The following EDC4 variants were observed in gnomAD, a reference collection of about 807,000 sequenced individuals.
EDC4 encodes enhancer of mRNA decapping 4, also known as enhancer of mRNA-decapping protein 4.
EDC4 carries 64 observed loss-of-function variants against 155.8 expected under a neutral mutation model. The observed-to-expected ratio is 0.41, with a 90% CI of 0.34 to 0.51. The LOEUF (loss-of-function observed/expected upper bound fraction) is 0.51, where lower values mean the gene tolerates loss of function less well. Among genes scored for constraint, EDC4 ranks in the 20% least tolerant of loss-of-function variants. The pLI is 0.19. For synonymous variants in EDC4, 684 were observed against 716.8 expected (o/e 0.95, Z 0.73); for missense variants, 1,303 against 1,812.5 (o/e 0.72, Z 5.10).
chr16:67,878,325 C>G lies in EDC4; in HGVS notation c.1005-35C>G. The G allele has an allele frequency of 6.2e-7, 1 of 1,614,224 alleles. No individual in the cohort carries two copies. Among genetic ancestry groups the G allele is most frequent in the South Asian group, 1.1e-5 (1 of 91,090 alleles). ...GATCCTCCCGAGGTAGCCCACCCGA[C>G]CACTCACTCAGGCCCCTCATCTGCC... On this transcript the variant is annotated intron_variant, in intron 8 of 28. Transcript: ENST00000358933. This position sits in a 1 kb window ranked among gnomAD's most constrained non-coding sequence, Gnocchi z 5.2.
chr16:67,881,533 G>T lies in EDC4; in HGVS notation c.2826G>T (p.Gln942His). Residue 942 changes from glutamine to histidine, a missense_variant and splice_region_variant, in exon 21 of 29, where the codon CAG (glutamine) becomes CAT (histidine). By Grantham distance (24) the Gln-to-His change is conservative. Coordinates refer to ENST00000358933, the MANE Select transcript of EDC4 (RefSeq NM_014329.5). This position sits in a 1 kb window ranked among gnomAD's most constrained non-coding sequence, Gnocchi z 5.4. ...TGGGATCCCGGCTCACAGAGCACCA[G>T]GTAAGTGAATGAGCCCACTTTGTAC... The part of the protein sequence containing the change: ...AAMGSRLTEH[Q>H]VAEPPEDWPA... 6.2e-7 allele frequency: 1 copy of T among 1,613,894 alleles called. No individual in the cohort carries two copies. Among genetic ancestry groups the T allele is most frequent in the South Asian group, 1.1e-5 (1 of 91,086 alleles).
At position 67,883,345 on chromosome 16, in the gene EDC4, C is replaced by T; in HGVS notation, c.3849+168C>T. On this transcript the variant is annotated intron_variant, in intron 27 of 28. Transcript: ENST00000358933. The surrounding 1 kb of genome is among the most constrained non-coding windows in gnomAD (Gnocchi z 5.3). ...CCCTGCTGCTTCCTCTTCCTGGACC[C>T]CTTTCTTCCCACCTAGCCCACCTTG... is the stretch of plus-strand genomic sequence containing the variant. 1.5e-6 allele frequency: 2 copies of T among 1,317,420 alleles called. No homozygotes were observed. The highest frequency in any genetic ancestry group is 2.5e-5 in the Admixed American group (1 of 39,952). The allele number at this position is 1,317,420 out of a possible 1,614,324, so 81.6% of individuals were successfully genotyped here. A position where few individuals can be genotyped will look rare whatever the true frequency, so the allele number is the denominator to read the frequency against.
Position 67,880,710 on chromosome 16 carries a change from G to T in EDC4, c.2251G>T (p.Ala751Ser). The T allele has an allele frequency of 6.2e-7, 1 of 1,614,184 alleles. No individual in the cohort carries two copies. Among genetic ancestry groups the T allele is most frequent in the South Asian group, 1.1e-5 (1 of 91,088 alleles). Residue 751 changes from alanine (A) to serine (S), a missense_variant, in exon 18 of 29, where the codon GCC becomes TCC. By Grantham distance (99) the Ala-to-Ser change is moderately conservative (BLOSUM62 1). Coordinates refer to ENST00000358933, the MANE Select transcript of EDC4 (RefSeq NM_014329.5). The surrounding 1 kb of genome is among the most constrained non-coding windows in gnomAD (Gnocchi z 5.2). ...SQDIPEIASEALSRGFGSSAP... is the reference protein window; with the variant it reads ...SQDIPEIASESLSRGFGSSAP... ...GGACATCCCTGAGATTGCATCTGAG[G>T]CCCTGTCCCGTGGTTTTGGCTCCTC... is the stretch of plus-strand genomic sequence containing the variant.
rs761895289 is a variant in EDC4, at chr16:67,882,982, G to C, written c.3654G>C (p.Gln1218His). ...GCCTGCAGGAGTCCATTTTAGCACAGGTACAGCGCATCGTTAAGGGTGAGG... is the reference window on the plus strand; with the variant it reads ...GCCTGCAGGAGTCCATTTTAGCACACGTACAGCGCATCGTTAAGGGTGAGG... ...VGSLQESILA[Q>H]VQRIVKGEVS... The change falls in exon 27 of 29, where the codon CAG becomes CAC. Residue 1218 changes from glutamine (Q) to histidine (H), a missense_variant. Around this residue, in one of 5 missense-constraint regions of EDC4, gnomAD observed 527 missense variants for 757.0 expected, o/e 0.70. Transcript: ENST00000358933. This position sits in a 1 kb window ranked among gnomAD's most constrained non-coding sequence, Gnocchi z 7.2. The C allele has an allele frequency of 9.9e-6, 16 of 1,614,064 alleles. No homozygotes were observed. In the South Asian group the frequency reaches 1.6e-4, roughly 17 times the overall value.
In EDC4 at chr16:67,879,840, A is replaced by G. The variant is rs1229260431; in HGVS notation, c.1822-10A>G. 8 of 1,613,288 alleles carry G rather than the reference A, an allele frequency of 5.0e-6. No individual in the cohort carries two copies. The highest frequency in any genetic ancestry group is 1.3e-5 in the African/African-American group (1 of 74,892). ...ACAGGCCACAGGTCTTATTTCCTGC[A>G]TCTCCCCAGATCACTGCCTCTCCCA... On this transcript the variant is annotated splice_polypyrimidine_tract_variant and intron_variant, in intron 15 of 28. Coordinates refer to ENST00000358933, the MANE Select transcript of EDC4 (RefSeq NM_014329.5). The surrounding 1 kb of genome is among the most constrained non-coding windows in gnomAD (Gnocchi z 6.0).
In EDC4 at chr16:67,880,367, T is replaced by A; in HGVS notation, c.2097+151T>A. On this transcript the variant is annotated intron_variant, in intron 17 of 28. Coordinates refer to ENST00000358933, the MANE Select transcript of EDC4 (RefSeq NM_014329.5). This position sits in a 1 kb window ranked among gnomAD's most constrained non-coding sequence, Gnocchi z 5.2. ...TGAGGTCATTTCACCCTCCTGTGTT[T>A]CCTGGTGGGTGTCTCCTCAGCCTCC... 7.3e-7 allele frequency: 1 copy of A among 1,367,146 alleles called. No homozygotes were observed. The highest frequency in any genetic ancestry group is 1.5e-5 in the African/African-American group (1 of 68,840). The allele number at this position is 1,367,146 out of a possible 1,614,324, so 84.7% of individuals were successfully genotyped here. A position where few individuals can be genotyped will look rare whatever the true frequency, so the allele number is the denominator to read the frequency against.
At position 67,877,492 on chromosome 16, in the gene EDC4, C is replaced by T; in HGVS notation, c.642-17C>T. 1 of 1,614,036 alleles carries T rather than the reference C, an allele frequency of 6.2e-7. No homozygotes were observed. Among genetic ancestry groups the T allele is most frequent in the Non-Finnish European group, 8.5e-7 (1 of 1,179,948 alleles). ...CGCCTCTTCATTCATCTATCTAGCCCTTAACACCCTGCTCAGAGAAGAGAT... is the reference window on the plus strand; with the variant it reads ...CGCCTCTTCATTCATCTATCTAGCCTTTAACACCCTGCTCAGAGAAGAGAT... On this transcript the variant is annotated splice_polypyrimidine_tract_variant and intron_variant, in intron 5 of 28. Coordinates refer to ENST00000358933, the MANE Select transcript of EDC4 (RefSeq NM_014329.5). The surrounding 1 kb of genome is among the most constrained non-coding windows in gnomAD (Gnocchi z 4.9).
At position 67,880,821 on chromosome 16, in the gene EDC4, G is replaced by C. The variant is rs541332453; in HGVS notation, c.2362G>C (p.Glu788Gln). The part of the protein sequence containing the change: ...LLSPRPRPGP[E>Q]LGPQLGLDGG... ...GTCCCCACGGCCCCGGCCAGGGCCC[G>C]AGCTCGGCCCCCAGCTCGGGCTTGA... The change falls in exon 18 of 29, where the codon GAG (glutamate) becomes CAG (glutamine). Residue 788 changes from glutamate to glutamine, a missense_variant. By Grantham distance (29) the Glu-to-Gln change is conservative. Coordinates refer to ENST00000358933, the MANE Select transcript of EDC4 (RefSeq NM_014329.5). This position sits in a 1 kb window ranked among gnomAD's most constrained non-coding sequence, Gnocchi z 5.2. The C allele has an allele frequency of 6.2e-7, 1 of 1,613,762 alleles. No homozygotes were observed. Among genetic ancestry groups the C allele is most frequent in the African/African-American group, 1.3e-5 (1 of 74,916 alleles).
At position 67,880,703 on chromosome 16, in the gene EDC4, A is replaced by G. The variant is rs1172653820; in HGVS notation, c.2244A>G (p.Ala748=). Residue 748 remains alanine, a synonymous_variant, in exon 18 of 29, where the codon GCA becomes GCG. Transcript: ENST00000358933. This position sits in a 1 kb window ranked among gnomAD's most constrained non-coding sequence, Gnocchi z 5.2. ...TALSQDIPEI[A]SEALSRGFGS... ...TGTCCCAGGACATCCCTGAGATTGC[A>G]TCTGAGGCCCTGTCCCGTGGTTTTG... 6.2e-7 allele frequency: 1 copy of G among 1,614,138 alleles called. No individual in the cohort carries two copies. Among genetic ancestry groups the G allele is most frequent in the South Asian group, 1.1e-5 (1 of 91,088 alleles).
In EDC4 at chr16:67,883,542, AAC is replaced by A. The variant is rs1335781144; in HGVS notation, c.3850-23_3850-22del. On this transcript the variant is annotated intron_variant, in intron 27 of 28. Coordinates refer to ENST00000358933, the MANE Select transcript of EDC4 (RefSeq NM_014329.5). The surrounding 1 kb of genome is among the most constrained non-coding windows in gnomAD (Gnocchi z 5.3). Reference sequence around the variant, plus strand: ...ACATTCCATCCTGATATTTGCTATAAACACTGCTGCTTTTTTCTCCTCCAGGC... The same window carrying A: ...ACATTCCATCCTGATATTTGCTATAAACTGCTGCTTTTTTCTCCTCCAGGC... 1.2e-6 allele frequency: 2 copies of A among 1,610,592 alleles called. No individual in the cohort carries two copies. Among genetic ancestry groups the A allele is most frequent in the African/African-American group, 1.3e-5 (1 of 75,000 alleles).
chr16:67,880,481 C>A lies in EDC4; in HGVS notation c.2098-76C>A. ...GCCCTGTCTCTCATTACTGCTAATA[C>A]TAATGCCTCGTCTCTGTGCCCCCCA... On this transcript the variant is annotated intron_variant, in intron 17 of 28. Transcript: ENST00000358933. The surrounding 1 kb of genome is among the most constrained non-coding windows in gnomAD (Gnocchi z 5.2). The A allele has an allele frequency of 1.3e-6, 2 of 1,545,972 alleles. No individual in the cohort carries two copies. The highest frequency in any genetic ancestry group is 1.8e-6 in the Non-Finnish European group (2 of 1,136,112).
In EDC4 at chr16:67,880,305, G is replaced by A. The variant is rs2058061060; in HGVS notation, c.2097+89G>A. 2.0e-6 allele frequency: 3 copies of A among 1,496,084 alleles called. No homozygotes were observed. Among genetic ancestry groups the A allele is most frequent in the Non-Finnish European group, 2.7e-6 (3 of 1,123,268 alleles). 92.7% of individuals were successfully genotyped at this position (1,496,084 alleles called of 1,614,324 possible). On this transcript the variant is annotated intron_variant, in intron 17 of 28. Coordinates refer to ENST00000358933, the MANE Select transcript of EDC4 (RefSeq NM_014329.5). This position sits in a 1 kb window ranked among gnomAD's most constrained non-coding sequence, Gnocchi z 5.2. ...GGTGGGCTCCTCCCAGCCCCCTGCT[G>A]CTGATCCTGCTCTACCCGACATGGT...
chr16:67,879,119 A>G lies in EDC4; in HGVS notation c.1450A>G (p.Asn484Asp), dbSNP rs370573849. 2 of 1,613,830 alleles carry G rather than the reference A, an allele frequency of 1.2e-6. No individual in the cohort carries two copies. Among genetic ancestry groups the G allele is most frequent in the South Asian group, 1.1e-5 (1 of 91,084 alleles). ...HTEVLPAEEE[N>D]DSLGADGTHG... Reference sequence around the variant, plus strand: ...TGAGGTGCTGCCTGCCGAAGAGGAAAATGACAGCCTGGGTGCTGGTGAGCT... The same window carrying G: ...TGAGGTGCTGCCTGCCGAAGAGGAAGATGACAGCCTGGGTGCTGGTGAGCT... The change falls in exon 12 of 29, where the codon AAT (asparagine) becomes GAT (aspartate). Residue 484 changes from asparagine (N) to aspartate (D), a missense_variant. Transcript: ENST00000358933. This position sits in a 1 kb window ranked among gnomAD's most constrained non-coding sequence, Gnocchi z 6.0.
Position 67,876,470 on chromosome 16 carries a change from T to G in EDC4, c.240-18T>G. ...TTTGGGTGAACAAGAGGCAAAGTTT[T>G]TGCACTCTTCCCCACAGCTGTCTCT... On this transcript the variant is annotated intron_variant, in intron 2 of 28. Transcript: ENST00000358933. This position sits in a 1 kb window ranked among gnomAD's most constrained non-coding sequence, Gnocchi z 5.8. The G allele has an allele frequency of 3.1e-6, 5 of 1,612,882 alleles. No individual in the cohort carries two copies. The highest frequency in any genetic ancestry group is 4.2e-6 in the Non-Finnish European group (5 of 1,179,428).
rs1268365014 is a variant in EDC4, at chr16:67,876,599, G to A, written c.351G>A (p.Lys117=). Residue 117 remains lysine, a splice_region_variant and synonymous_variant, in exon 3 of 29, where the codon AAG becomes AAA. Coordinates refer to ENST00000358933, the MANE Select transcript of EDC4 (RefSeq NM_014329.5). This position sits in a 1 kb window ranked among gnomAD's most constrained non-coding sequence, Gnocchi z 5.8. The stretch of plus-strand genomic sequence containing the variant: ...CAAGCAAGGCCCGGGGAAGCAACAA[G>A]GTAGGTACTGGGATGCTGTGGCATA... ...SISSKARGSN[K]VKIQPVAKYD... 1 of 1,614,076 alleles carries A rather than the reference G, an allele frequency of 6.2e-7. No individual in the cohort carries two copies. Among genetic ancestry groups the A allele is most frequent in the East Asian group, 2.2e-5 (1 of 44,892 alleles).
rs772324597 is a variant in EDC4, at chr16:67,879,021, C to T, written c.1352C>T (p.Ser451Leu). 14 of 1,612,434 alleles carry T rather than the reference C, an allele frequency of 8.7e-6. No homozygotes were observed. Among genetic ancestry groups the T allele is most frequent in the East Asian group, 2.2e-5 (1 of 44,898 alleles). The change falls in exon 12 of 29, where the codon TCG (serine) becomes TTG (leucine). Residue 451 changes from serine to leucine, a missense_variant. Physicochemically the swap from Ser to Leu is moderately radical, Grantham distance 145. Transcript: ENST00000358933. This position sits in a 1 kb window ranked among gnomAD's most constrained non-coding sequence, Gnocchi z 6.0. ...EEGHACFSSI[S>L]EFLLTHPVLS... ...GGCCACGCCTGCTTCAGCTCCATCT[C>T]GGAGTTCCTGCTCACCCACCCTGTG... is the stretch of plus-strand genomic sequence containing the variant.
Position 67,882,423 on chromosome 16 carries a change from C to T in EDC4, c.3277-6C>T, listed in dbSNP as rs1003466515. 5 of 1,613,320 alleles carry T rather than the reference C, an allele frequency of 3.1e-6. No homozygotes were observed. The highest frequency in any genetic ancestry group is 4.2e-6 in the Non-Finnish European group (5 of 1,179,300). On this transcript the variant is annotated splice_region_variant and splice_polypyrimidine_tract_variant and intron_variant, in intron 24 of 28. Coordinates refer to ENST00000358933, the MANE Select transcript of EDC4 (RefSeq NM_014329.5). This position sits in a 1 kb window ranked among gnomAD's most constrained non-coding sequence, Gnocchi z 7.2. ...CTTTCAACTTGGCCCCTCCCTCTAA[C>T]CCCAGAACTTGACTGATGCCATCGC...
rs377063317 is a variant in EDC4 at position 67,882,815 on chromosome 16, C to T, written c.3579C>T (p.Ala1193=). ...SATEQMAATV[A]GSVRAEVQHQ... ...CTGAGCAGATGGCAGCCACCGTGGC[C>T]GGCAGTGTTCGTGCTGAGGTGCAGC... The change falls in exon 26 of 29, where the codon GCC becomes GCT. Residue 1193 remains alanine, a synonymous_variant. Coordinates refer to ENST00000358933, the MANE Select transcript of EDC4 (RefSeq NM_014329.5). The surrounding 1 kb of genome is among the most constrained non-coding windows in gnomAD (Gnocchi z 7.2). 4.4e-5 allele frequency: 71 copies of T among 1,613,992 alleles called. No individual in the cohort carries two copies. Among genetic ancestry groups the T allele is most frequent in the South Asian group, 1.9e-4 (17 of 91,086 alleles).
In EDC4 at chr16:67,882,345, A is replaced by T; in HGVS notation, c.3276+18A>T. 6.2e-7 allele frequency: 1 copy of T among 1,613,838 alleles called. No homozygotes were observed. The highest frequency in any genetic ancestry group is 8.5e-7 in the Non-Finnish European group (1 of 1,179,858). ...AGTCCAAGGTGCTATAGGGCCCAAG[A>T]TGTGGGTGGAGGTGGTGGTTCCTGG... On this transcript the variant is annotated intron_variant, in intron 24 of 28. Transcript: ENST00000358933. This position sits in a 1 kb window ranked among gnomAD's most constrained non-coding sequence, Gnocchi z 7.2.
Sources: gnomAD v4.1 joint callset for allele counts on GRCh38, gnomAD v4.1.1 for gene constraint, gnomAD v4.1.1 regional missense constraint, Gnocchi (gnomAD v3.1) non-coding constraint, MANE v1.5 for transcripts, NCBI Gene and HGNC (gene_info 2026-07-23, HGNC 2026-07-21) for gene names.